Variants in DST observed in about 807,000 individuals in gnomAD.
DST encodes the protein dystonin, also known as bullous pemphigoid antigen.
Under a neutral mutation model 875.2 loss-of-function variants are expected in DST, and 253 were observed. The ratio of observed to expected loss-of-function variants is 0.29; its 90% CI spans 0.26 to 0.32. DST has a LOEUF of 0.32. DST is among the 10% of genes least tolerant of loss of function. DST has a pLI of 1.00. For synonymous variants in DST, 3,124 were observed against 3,197.1 expected, an observed-to-expected ratio of 0.98 and a Z score of 0.77; for missense variants, 8,287 against 9,111.6, an observed-to-expected ratio of 0.91 and a Z score of 3.68.
Position 56,508,891 on chromosome 6 carries a change from C to T in DST, c.19013-136G>A, listed in dbSNP as rs150854580. ...AACTGGACCAAGTTTTGAATGACCC[C>T]AGTCCAGTGGATATCAGTGGGTCCA... On this transcript the variant is annotated intron_variant, in intron 74 of 103. Coordinates refer to ENST00000680361, the MANE Select transcript of DST (RefSeq NM_001374736.1). 4.6e-6 allele frequency: 3 copies of T among 657,046 alleles called. No homozygotes were observed. The East Asian group carries it at 8.2e-5, about 18-fold the overall frequency. 40.7% of individuals were successfully genotyped at this position (657,046 alleles called of 1,614,324 possible).
chr6:56,695,005 T>C (rs990874198), intron 9 of DST, among the ~76,000 whole-genome samples: 2 of 151,108 alleles, frequency 1.3e-5, no homozygotes, highest in African/African-American at 2.4e-5. Context: ...TGCGTGCCCA[T>C]AATCCCAGCT....
chr6:56,552,467 G>A lies in DST; in HGVS notation c.16325C>T (p.Ala5442Val), dbSNP rs764275280. 6 of 1,613,900 alleles carry A rather than the reference G, an allele frequency of 3.7e-6. No homozygotes were observed. In the South Asian group the frequency reaches 5.5e-5, roughly 15 times the overall value. ...TAACATCATCTTGCAGGTTTTATTG[G>A]CATTGTCATTGCTTGCCATGAGGGC... The part of the protein sequence containing the change: ...LEALMASNDN[A>V]NKTCKMMLAT... Residue 5442 changes from alanine to valine, a missense_variant, in exon 61 of 104, where the codon GCC becomes GTC. By Grantham distance (64) the Ala-to-Val change is moderately conservative. Coordinates refer to ENST00000680361, the MANE Select transcript of DST (RefSeq NM_001374736.1).
At position 56,620,899 on chromosome 6, in the gene DST, CA is replaced by C. The variant is rs373903018; in HGVS notation, c.4929+3630del. On this transcript the variant is annotated intron_variant, in intron 36 of 103. Transcript: ENST00000680361. ...GCCTCAGAAAGTCAGCAGAAGAGGA[CA>C]AAAAACCCTTCACGACAGGTTTTCT... Among the ~76,000 whole-genome samples, 863 of 152,182 alleles carry C rather than the reference CA, an allele frequency of 5.7e-3. 4 individuals carry two copies. The highest frequency in any genetic ancestry group is 0.02 in the African/African-American group (823 of 41,512).
chr6:56,900,743 C>A, intron 2 of DST, 122 bp from the exon 3 acceptor site: 1 of 623,354 alleles, frequency 1.6e-6, no homozygotes, highest in Non-Finnish European at 2.4e-6. Context: ...ACGTGCACTC[C>A]CAAAGTGAGC....
At chr6:56,886,146 T>C (rs1784584835) in intron 3 of DST, among the ~76,000 whole-genome samples, 1 of 152,206 alleles carries the variant, frequency 6.6e-6, no homozygotes. Context: ...TGAGTCACAT[T>C]GGGATACTGA....
At chr6:56,871,557 C>T in intron 3 of DST, 2 of 1,063,378 alleles carry the variant, frequency 1.9e-6, no homozygotes, top group Non-Finnish European at 1.4e-6. Context: ...AAACAAAGCA[C>T]CTAAGACACA....
intron 86 of DST, 123 bp from the exon 87 acceptor site, chr6:56,487,396 A>G (rs1243873124): frequency 2.3e-6 from 2 of 887,750 alleles, no homozygotes; most frequent in African/African-American, 3.4e-5. Context: ...ACTTATAATG[A>G]CTTGACTTAG....
At chr6:56,464,424 G>T in intron 100 of DST, 1 of 492,900 alleles carries the variant, frequency 2.0e-6, no homozygotes, top group South Asian at 3.0e-5. Context: ...AAACACATAC[G>T]CACACGGAGA....
At chr6:56,740,485 G>GGTA (rs2152936513) in intron 4 of DST, among the ~76,000 whole-genome samples, 1 of 152,254 alleles carries the variant, frequency 6.6e-6, no homozygotes, top group East Asian at 1.9e-4. Flanking sequence ...CAGGAAGTAG[G>GGTA]GTAGCAAAAC....
At chr6:56,615,022 T>C (rs2098598936) in intron 36 of DST, 2 of 1,004,012 alleles carry the variant, frequency 2.0e-6, no homozygotes, top group South Asian at 4.3e-5. Context: ...AAGGTCACTA[T>C]ATACAGAAAA....
intron 5 of DST, among the ~76,000 whole-genome samples, chr6:56,730,807 A>G (rs757385216): frequency 3.9e-5 from 6 of 152,248 alleles, no homozygotes; most frequent in Non-Finnish European, 7.3e-5. Flanking sequence ...CTGAAGAATG[A>G]TGAATCAAAA....
chr6:56,637,472 C>T (rs778371598), intron 22 of DST, among the ~76,000 whole-genome samples: 18 of 152,024 alleles, frequency 1.2e-4, no homozygotes, highest in Non-Finnish European at 2.1e-4. Context: ...ATAAAATATA[C>T]CTTCTAACAC....
At position 56,511,306 on chromosome 6, in the gene DST, A is replaced by G. The variant is rs2096470844; in HGVS notation, c.18671T>C (p.Phe6224Ser). The G allele has an allele frequency of 6.2e-7, 1 of 1,606,216 alleles. No homozygotes were observed. The highest frequency in any genetic ancestry group is 1.3e-5 in the African/African-American group (1 of 74,854). The change falls in exon 73 of 104, where the codon TTT becomes TCT. Residue 6224 changes from phenylalanine (F) to serine (S), a missense_variant. Phe to Ser is a radical substitution (Grantham distance 155). Transcript: ENST00000680361. ...TGCCACATACTTCTCTTGGATAGAAAAGCCTTCCCCAGGGCTCAATTCCAG... is the reference window on the plus strand; with the variant it reads ...TGCCACATACTTCTCTTGGATAGAAGAGCCTTCCCCAGGGCTCAATTCCAG... ...QLLELSPGEGFSIQEKYVAAD... is the reference protein window; with the variant it reads ...QLLELSPGEGSSIQEKYVAAD...
intron 9 of DST, among the ~76,000 whole-genome samples, chr6:56,698,770 C>T (rs1273059319): frequency 6.6e-6 from 1 of 152,198 alleles, no homozygotes; most frequent in Non-Finnish European, 1.5e-5. Context: ...GGGTCAGGCT[C>T]TGTGCTGCAC....
intron 2 of DST, among the ~76,000 whole-genome samples, chr6:56,939,635 G>A (rs1188954248): frequency 6.6e-6 from 1 of 152,034 alleles, no homozygotes; most frequent in Non-Finnish European, 1.5e-5. Context: ...TTTTAAGTTG[G>A]TCAAACCATT....
chr6:56,688,937 T>A (rs140821737), intron 9 of DST, among the ~76,000 whole-genome samples: 82 of 152,244 alleles, frequency 5.4e-4, no homozygotes, highest in African/African-American at 1.7e-3. Flanking sequence ...CTTATGCACA[T>A]GAATTCACAG....
chr6:56,615,303 A>G (rs2152727283), intron 36 of DST: 1 of 1,365,088 alleles, frequency 7.3e-7, no homozygotes, highest in Non-Finnish European at 9.4e-7. Flanking sequence ...ACCATTCTCA[A>G]GGCTAAATGA....
At chr6:56,769,017 A>G (rs1455204273) in intron 4 of DST, among the ~76,000 whole-genome samples, 1 of 152,188 alleles carries the variant, frequency 6.6e-6, no homozygotes, top group Non-Finnish European at 1.5e-5. Flanking sequence ...CTCCATCGCA[A>G]TATACACATA....
intron 59 of DST, among the ~76,000 whole-genome samples, chr6:56,556,994 A>G (rs2097432312): frequency 6.6e-6 from 1 of 152,228 alleles, no homozygotes; most frequent in African/African-American, 2.4e-5. Flanking sequence ...CCTCTCATAA[A>G]GATATTACTT....
Sources: gnomAD v4.1 joint callset for allele counts (sites outside exome capture counted in the v4.1 genomes callset) on GRCh38, gnomAD v4.1.1 for gene constraint, MANE v1.5 for transcripts, NCBI Gene and HGNC (gene_info 2026-07-23, HGNC 2026-07-21) for gene names.